Variants in CARMIL1 observed in about 807,000 individuals in gnomAD.
The protein encoded by CARMIL1 is F-actin-uncapping protein LRRC16A.
Under a neutral mutation model 177.1 loss-of-function variants are expected in CARMIL1, and 90 were observed. That is an observed-to-expected ratio of 0.51 (90% CI 0.43 to 0.61). CARMIL1 has a LOEUF of 0.61. CARMIL1 is among the 20% of genes least tolerant of loss of function. The pLI, the probability that CARMIL1 is intolerant of heterozygous loss-of-function variation, is 0.00. For missense variants in CARMIL1, 1,380 were observed against 1,667.0 expected, an observed-to-expected ratio of 0.83 and a Z score of 3.00; for synonymous variants, 577 against 606.2, an observed-to-expected ratio of 0.95 and a Z score of 0.71.
Position 25,550,965 on chromosome 6 carries a change from A to T in CARMIL1, c.2384A>T (p.Lys795Ile). 1 of 1,613,558 alleles carries T rather than the reference A, an allele frequency of 6.2e-7. No homozygotes were observed. Among genetic ancestry groups the T allele is most frequent in the East Asian group, 2.2e-5 (1 of 44,874 alleles). Residue 795 changes from lysine (K) to isoleucine (I), a missense_variant, in exon 27 of 37, where the codon AAA becomes ATA. Transcript: ENST00000329474. The part of the protein sequence containing the change: ...AAENLCPNVM[K>I]KAHIRQDLIH... The stretch of plus-strand genomic sequence containing the variant: ...GAGAATCTTTGTCCCAATGTGATGA[A>T]AAAAGCCCACATTCGACAAGACTTG...
chr6:25,438,852 C>CT (rs35250854), intron 5 of CARMIL1, among the ~76,000 whole-genome samples: 21,073 of 144,438 alleles, frequency 0.15, 1,530 homozygotes, highest in Non-Finnish European at 0.15. Flanking sequence ...TTATGAAAAT[C>CT]TTTTTTTTTT....
chr6:25,616,564 A>G (rs1370448778), intron 36 of CARMIL1, among the ~76,000 whole-genome samples: 1 of 152,208 alleles, frequency 6.6e-6, no homozygotes, highest in Non-Finnish European at 1.5e-5. Context: ...ACAGAGTGAG[A>G]CTCAGTATCT....
chr6:25,394,016 A>G (rs1793133569), intron 2 of CARMIL1, among the ~76,000 whole-genome samples: 2 of 151,976 alleles, frequency 1.3e-5, no homozygotes, highest in Non-Finnish European at 2.9e-5. Flanking sequence ...TTCTTATGAA[A>G]TTTTTCTAAC....
intron 33 of CARMIL1, among the ~76,000 whole-genome samples, chr6:25,601,332 T>A (rs1453403682): frequency 6.6e-6 from 1 of 152,168 alleles, no homozygotes; most frequent in African/African-American, 2.4e-5. Flanking sequence ...TTTCCCCACC[T>A]GCCCAGGGGC....
chr6:25,491,817 T>C lies in CARMIL1; in HGVS notation c.1143+8T>C. On this transcript the variant is annotated splice_region_variant and intron_variant, in intron 14 of 36. Coordinates refer to ENST00000329474, the MANE Select transcript of CARMIL1 (RefSeq NM_017640.6). ...GAATGTTCCCTGGACATGGTAAATT[T>C]AAAATATATATATATCTTGCTCTGA... 6.4e-7 allele frequency: 1 copy of C among 1,568,758 alleles called. No homozygotes were observed. The highest frequency in any genetic ancestry group is 8.7e-7 in the Non-Finnish European group (1 of 1,151,370).
intron 36 of CARMIL1, among the ~76,000 whole-genome samples, chr6:25,618,260 G>GT (rs11371576): frequency 0.32 from 47,251 of 146,522 alleles, 7,637 homozygotes; most frequent in East Asian, 0.56. Context: ...AGCAAGATAA[G>GT]TTTTTTTTTT....
Position 25,577,317 on chromosome 6 carries a change from T to C in CARMIL1, c.2743-3607T>C, listed in dbSNP as rs1425815762. ...AATAATAACAATAATAAAGACATGA[T>C]TACTTTTAAGATTTTTTTCCTGATT... On this transcript the variant is annotated intron_variant, in intron 29 of 36. Transcript: ENST00000329474. This position sits in a 1 kb window ranked among gnomAD's most constrained non-coding sequence, Gnocchi z 4.5. Among the ~76,000 whole-genome samples, 7 of 152,150 alleles carry C rather than the reference T, an allele frequency of 4.6e-5. No individual in the cohort carries two copies. The highest frequency in any genetic ancestry group is 4.6e-4 in the Admixed American group (7 of 15,270).
intron 16 of CARMIL1, among the ~76,000 whole-genome samples, chr6:25,499,376 A>C (rs960779742): frequency 2.6e-5 from 4 of 152,168 alleles, no homozygotes; most frequent in Non-Finnish European, 4.4e-5. Context: ...TGTTTTTCAC[A>C]AAGTCTGATT....
chr6:25,451,991 CCCCT>C lies in CARMIL1; in HGVS notation c.614+1284_614+1287del, dbSNP rs1356522381. 208 of 62,640 alleles carry C rather than the reference CCCCT, an allele frequency of 3.3e-3. 8 individuals carry two copies. Among genetic ancestry groups the C allele is most frequent in the African/African-American group, 0.013 (159 of 12,370 alleles). The allele number at this position is 62,640 out of a possible 1,614,324, so 3.9% of individuals were successfully genotyped here. A position where few individuals can be genotyped will look rare whatever the true frequency, so the allele number is the denominator to read the frequency against. The stretch of plus-strand genomic sequence containing the variant: ...CATCTCATCACTAGCATCTTGCCCC[CCCCT>C]CCCCCCCCCAGAATACTGTTTTGAA... On this transcript the variant is annotated intron_variant, in intron 8 of 36. Transcript: ENST00000329474.
chr6:25,315,063 C>T (rs1281423452), intron 2 of CARMIL1, among the ~76,000 whole-genome samples: 1 of 152,202 alleles, frequency 6.6e-6, no homozygotes, highest in Non-Finnish European at 1.5e-5. Flanking sequence ...TTTTAATCCT[C>T]ACAGTAACTG....
intron 3 of CARMIL1, among the ~76,000 whole-genome samples, chr6:25,424,454 T>C (rs566934614): frequency 1.8e-4 from 28 of 152,312 alleles, no homozygotes; most frequent in Non-Finnish European, 3.5e-4. Flanking sequence ...TCCCTGATGA[T>C]GCTGACTGAT....
At chr6:25,600,259 G>T in intron 32 of CARMIL1, 55 bp from the exon 33 acceptor site, 1 of 1,471,790 alleles carries the variant, frequency 6.8e-7, no homozygotes, top group Non-Finnish European at 9.2e-7. Flanking sequence ...ACTGATTCTT[G>T]CTGGAACTTA....
chr6:25,296,924 T>TCTATCTATCTATCTATCTATCTAA (rs377456616), intron 2 of CARMIL1, among the ~76,000 whole-genome samples: 38 of 64,428 alleles, frequency 5.9e-4, no homozygotes, highest in East Asian at 1.1e-3. Flanking sequence ...TATCTATCTA[T>TCTATCTATCTATCTATCTATCTAA]CTATCTATCT....
chr6:25,612,774 T>G (rs1317648653), intron 36 of CARMIL1: 1 of 985,412 alleles, frequency 1.0e-6, no homozygotes. Context: ...GACATTCAGA[T>G]CATGACAGTG....
Position 25,600,635 on chromosome 6 carries a change from C to G in CARMIL1, c.3441C>G (p.Asp1147Glu). 1 of 1,613,796 alleles carries G rather than the reference C, an allele frequency of 6.2e-7. No homozygotes were observed. Among genetic ancestry groups the G allele is most frequent in the Non-Finnish European group, 8.5e-7 (1 of 1,179,800 alleles). Residue 1147 changes from aspartate (D) to glutamate (E), a missense_variant, in exon 33 of 37, where the codon GAC becomes GAG. By Grantham distance (45) the Asp-to-Glu change is conservative. Coordinates refer to ENST00000329474, the MANE Select transcript of CARMIL1 (RefSeq NM_017640.6). ...GEEIGKVERS[D>E]SKSSPQAGRR... ...AAATAGGGAAGGTGGAACGGAGTGACAGCAAGAGCAGCCCACAGGCAGGGC... is the reference window on the plus strand; with the variant it reads ...AAATAGGGAAGGTGGAACGGAGTGAGAGCAAGAGCAGCCCACAGGCAGGGC...
At chr6:25,441,337 A>ATATATATGTGTGTGTGTGTG in intron 5 of CARMIL1, among the ~76,000 whole-genome samples, 53 of 94,518 alleles carry the variant, frequency 5.6e-4, no homozygotes, top group African/African-American at 1.8e-3. Flanking sequence ...ATATATATAT[A>ATATATATGTGTGTGTGTGTG]TGTGTGTGTG....
intron 2 of CARMIL1, among the ~76,000 whole-genome samples, chr6:25,288,482 T>G (rs1488363474): frequency 2.6e-5 from 4 of 151,996 alleles, no homozygotes; most frequent in African/African-American, 4.8e-5. Context: ...AATCAGGTTT[T>G]TTTTTTTTTT....
chr6:25,307,878 T>C (rs1467862665), intron 2 of CARMIL1, among the ~76,000 whole-genome samples: 1 of 140,738 alleles, frequency 7.1e-6, no homozygotes, highest in African/African-American at 2.6e-5. Context: ...ATTTTGGTTA[T>C]TGGTTTTGCT....
rs1185458896 is a variant in CARMIL1 at position 25,435,620 on chromosome 6, C to T, written c.371+16C>T. On this transcript the variant is annotated intron_variant, in intron 5 of 36. Coordinates refer to ENST00000329474, the MANE Select transcript of CARMIL1 (RefSeq NM_017640.6). ...TCTCTCCAGTGTGAGTTTCCCTGGG[C>T]AGGGTGAGGAGAGCAAAGAACCTGT... 1.9e-6 allele frequency: 3 copies of T among 1,570,378 alleles called. No individual in the cohort carries two copies. Among genetic ancestry groups the T allele is most frequent in the Admixed American group, 1.8e-5 (1 of 54,148 alleles).
Sources: allele counts gnomAD v4.1 joint callset (sites outside exome capture counted in the v4.1 genomes callset), GRCh38; gene constraint gnomAD v4.1.1; non-coding constraint Gnocchi (gnomAD v3.1); transcripts MANE v1.5; gene names NCBI Gene and HGNC (gene_info 2026-07-23, HGNC 2026-07-21).